Variants in CACNG8 observed in about 807,000 individuals in gnomAD.
CACNG8 encodes calcium voltage-gated channel auxiliary subunit gamma 8, also known as voltage-dependent calcium channel gamma-8 subunit.
Under a neutral mutation model 26.9 loss-of-function variants are expected in CACNG8, and 5 were observed. The observed-to-expected ratio is 0.19, with a 90% CI of 0.10 to 0.39. The LOEUF (loss-of-function observed/expected upper bound fraction) is 0.39, where lower values mean the gene tolerates loss of function less well. CACNG8 is among the 10% of genes least tolerant of loss of function. The pLI is 1.00. For synonymous variants in CACNG8, 321 were observed against 296.7 expected (o/e 1.08, Z -0.84); for missense variants, 473 against 609.4 (o/e 0.78, Z 2.36).
In CACNG8 at chr19:53,982,168, C is replaced by T. The variant is rs756208267; in HGVS notation, c.597C>T (p.His199=). The change falls in exon 4 of 4, where the codon CAC becomes CAT. Residue 199 remains histidine (H), a synonymous_variant. Transcript: ENST00000270458. The surrounding 1 kb of genome is among the most constrained non-coding windows in gnomAD (Gnocchi z 8.4). ...AGCGGGACGAGGAGAAGAAAAACCA[C>T]TACTCGTACGGCTGGTCCTTCTACT... The T allele has an allele frequency of 9.9e-6, 16 of 1,613,442 alleles. No individual in the cohort carries two copies. The East Asian group carries it at 2.9e-4, about 29-fold the overall frequency.
chr19:53,980,282 G>A (rs1052877067), intron 3 of CACNG8, among the ~76,000 whole-genome samples: 1 of 152,030 alleles, frequency 6.6e-6, no homozygotes, highest in Non-Finnish European at 1.5e-5. Context: ...GTAAGACGCC[G>A]GGCGCTTAGG....
At chr19:53,965,432 C>T (rs980522234) in intron 1 of CACNG8, among the ~76,000 whole-genome samples, 3 of 151,988 alleles carry the variant, frequency 2.0e-5, no homozygotes, top group African/African-American at 4.8e-5. Context: ...ATGTTCTTTG[C>T]CTCTCCTGTG....
intron 1 of CACNG8, among the ~76,000 whole-genome samples, chr19:53,967,721 G>A (rs11878888): frequency 6.6e-6 from 1 of 152,126 alleles, no homozygotes; most frequent in Non-Finnish European, 1.5e-5. Flanking sequence ...TGTAGTCCCA[G>A]CTACTTGGTA....
At chr19:53,979,381 G>A (rs376438797) in intron 2 of CACNG8, among the ~76,000 whole-genome samples, 2 of 151,902 alleles carry the variant, frequency 1.3e-5, no homozygotes, top group Middle Eastern at 6.8e-3. Flanking sequence ...AGGAGGAGGA[G>A]GAAGGAAGGA....
Position 53,982,918 on chromosome 19 carries a change from G to A in CACNG8, c.*69G>A, listed in dbSNP as rs2069382992. The stretch of plus-strand genomic sequence containing the variant: ...CGGGCGCGCGTGCATCGAGGCTGCC[G>A]GGGTCGGGGGCGCCCCCGCTTTCCC... On this transcript the variant is annotated 3_prime_UTR_variant, in exon 4 of 4. Coordinates refer to ENST00000270458, the MANE Select transcript of CACNG8 (RefSeq NM_031895.6). This position sits in a 1 kb window ranked among gnomAD's most constrained non-coding sequence, Gnocchi z 8.4. The A allele has an allele frequency of 2.8e-6, 3 of 1,085,002 alleles. No homozygotes were observed. Among genetic ancestry groups the A allele is most frequent in the Non-Finnish European group, 3.4e-6 (3 of 872,504 alleles). 67.2% of individuals were successfully genotyped at this position (1,085,002 alleles called of 1,614,324 possible). A position where few individuals can be genotyped will look rare whatever the true frequency, so the allele number is the denominator to read the frequency against.
chr19:53,977,083 T>C (rs922514903), intron 1 of CACNG8, among the ~76,000 whole-genome samples: 2 of 152,178 alleles, frequency 1.3e-5, no homozygotes, highest in Admixed American at 1.3e-4. Context: ...AACTCTCAGC[T>C]TACCGAGGAC....
chr19:53,980,266 T>C (rs1446932826), intron 3 of CACNG8, among the ~76,000 whole-genome samples: 1 of 151,750 alleles, frequency 6.6e-6, no homozygotes, highest in Non-Finnish European at 1.5e-5. Flanking sequence ...GGCAGGTGTC[T>C]GGCGCGTAAG....
At chr19:53,978,310 G>C in intron 2 of CACNG8, 81 bp downstream of exon 2, 1 of 1,093,880 alleles carries the variant, frequency 9.1e-7, no homozygotes, top group South Asian at 1.3e-5. Context: ...GCCGGGAAAA[G>C]GCACTGGGAC....
Position 53,963,331 on chromosome 19 carries a change from C to T in CACNG8, c.189C>T (p.Asp63=). ...CCAACCTCACGGCCGGCGGCGACGA[C>T]GGGACCCCCCACCGCGGGGGCGGCG... is the stretch of plus-strand genomic sequence containing the variant. Residue 63 remains aspartate, a synonymous_variant, in exon 1 of 4, where the codon GAC becomes GAT. Coordinates refer to ENST00000270458, the MANE Select transcript of CACNG8 (RefSeq NM_031895.6). The T allele has an allele frequency of 6.2e-7, 1 of 1,601,448 alleles. No homozygotes were observed. The highest frequency in any genetic ancestry group is 1.1e-5 in the South Asian group (1 of 90,676).
intron 2 of CACNG8, 50 bp from the exon 3 acceptor site, chr19:53,979,817 G>T (rs1215846326): frequency 6.6e-7 from 1 of 1,526,072 alleles, no homozygotes; most frequent in South Asian, 1.3e-5. Context: ...AGGCGGCCGC[G>T]TCTGACCGCC....
chr19:53,976,438 T>C (rs1186505190), intron 1 of CACNG8, among the ~76,000 whole-genome samples: 1 of 152,214 alleles, frequency 6.6e-6, no homozygotes, highest in East Asian at 1.9e-4. Context: ...TTCATAGGAC[T>C]CTTGGGAGCA....
At chr19:53,969,784 G>A (rs1326285677) in intron 1 of CACNG8, among the ~76,000 whole-genome samples, 1 of 152,140 alleles carries the variant, frequency 6.6e-6, no homozygotes, top group East Asian at 1.9e-4. Context: ...AAACAAGCTC[G>A]GAGGCTGCTC....
chr19:53,972,827 G>C (rs2069310530), intron 1 of CACNG8, among the ~76,000 whole-genome samples: 1 of 152,116 alleles, frequency 6.6e-6, no homozygotes, highest in Admixed American at 6.6e-5. Flanking sequence ...GGATTCCAGA[G>C]CCCACGATCA....
Position 53,963,071 on chromosome 19 carries a change from C to CT in CACNG8, c.-72_-71insT. 2 of 1,014,878 alleles carry CT rather than the reference C, an allele frequency of 2.0e-6. No homozygotes were observed. The highest frequency in any genetic ancestry group is 2.6e-6 in the Non-Finnish European group (2 of 760,966). 62.9% of individuals were successfully genotyped at this position (1,014,878 alleles called of 1,614,324 possible). ...TTCTGCCTGCGCTGTGAACCCCCCCCCAGCCGCCGGCACGGCCCCGCCCCC... is the reference window on the plus strand; with the variant it reads ...TTCTGCCTGCGCTGTGAACCCCCCCCTCAGCCGCCGGCACGGCCCCGCCCCC... On this transcript the variant is annotated 5_prime_UTR_variant, in exon 1 of 4. Coordinates refer to ENST00000270458, the MANE Select transcript of CACNG8 (RefSeq NM_031895.6).
Position 53,985,788 on chromosome 19 carries a change from A to AT in CACNG8, c.*2940dup, listed in dbSNP as rs1434093831. On this transcript the variant is annotated 3_prime_UTR_variant, in exon 4 of 4. Transcript: ENST00000270458. ...GAGGGTGAGGCTGCAGTGACCCGTGATGGCACCACTGCGCTCCAGCCTGGG... is the reference window on the plus strand; with the variant it reads ...GAGGGTGAGGCTGCAGTGACCCGTGATTGGCACCACTGCGCTCCAGCCTGGG... 1 of 151,490 alleles carries AT rather than the reference A, an allele frequency of 6.6e-6. No individual in the cohort carries two copies. The highest frequency in any genetic ancestry group is 2.4e-5 in the African/African-American group (1 of 41,154). The allele number at this position is 151,490 out of a possible 1,614,324, so 9.4% of individuals were successfully genotyped here.
At chr19:53,980,125 T>A in intron 3 of CACNG8, 118 bp downstream of exon 3, 5 of 1,171,100 alleles carry the variant, frequency 4.3e-6, no homozygotes. Context: ...TTCGTGTGTC[T>A]GCAAAGCCAC....
At chr19:53,974,855 T>C (rs2069321850) in intron 1 of CACNG8, among the ~76,000 whole-genome samples, 1 of 151,354 alleles carries the variant, frequency 6.6e-6, no homozygotes, top group African/African-American at 2.4e-5. Context: ...TTGGCCAGGA[T>C]GGTCTCGATC....
In CACNG8 at chr19:53,987,123, G is replaced by C. The variant is rs1218469294; in HGVS notation, c.*4274G>C. On this transcript the variant is annotated 3_prime_UTR_variant, in exon 4 of 4. Coordinates refer to ENST00000270458, the MANE Select transcript of CACNG8 (RefSeq NM_031895.6). ...TTGCTCTGTCTCAGGCTGGAGTCCA[G>C]TGGGCTGATCTCGGCTCACTGCCAA... 1 of 152,250 alleles carries C rather than the reference G, an allele frequency of 6.6e-6. No homozygotes were observed. Among genetic ancestry groups the C allele is most frequent in the Non-Finnish European group, 1.5e-5 (1 of 68,066 alleles). 9.4% of individuals were successfully genotyped at this position (152,250 alleles called of 1,614,324 possible).
At chr19:53,970,144 A>G (rs1367292420) in intron 1 of CACNG8, among the ~76,000 whole-genome samples, 2 of 151,842 alleles carry the variant, frequency 1.3e-5, no homozygotes, top group African/African-American at 2.4e-5. Flanking sequence ...GTGAAACCCC[A>G]TCTCTACTAA....
Sources: gnomAD v4.1 joint callset for allele counts (sites outside exome capture counted in the v4.1 genomes callset) on GRCh38, gnomAD v4.1.1 for gene constraint, Gnocchi (gnomAD v3.1) non-coding constraint, MANE v1.5 for transcripts, NCBI Gene and HGNC (gene_info 2026-07-23, HGNC 2026-07-21) for gene names.